Variants in ASCC3 observed in about 807,000 individuals in gnomAD.
ASCC3 encodes ASC-1 complex subunit P200.
Under a neutral mutation model 256.3 loss-of-function variants are expected in ASCC3, and 158 were observed. The observed-to-expected ratio is 0.62, with a 90% confidence interval of 0.54 to 0.70. The LOEUF (loss-of-function observed/expected upper bound fraction) is 0.70. Ranked by LOEUF, ASCC3 falls within the 30% of genes least tolerant of loss-of-function variation. The pLI is 0.00. For synonymous variants in ASCC3, 948 were observed against 883.4 expected (o/e 1.07, Z -1.30); for missense variants, 2,259 against 2,626.0 (o/e 0.86, Z 3.05).
chr6:100,584,712 C>A (rs556103401), intron 36 of ASCC3, among the ~76,000 whole-genome samples: 1 of 151,894 alleles, frequency 6.6e-6, no homozygotes. Flanking sequence ...GATTTTGCAG[C>A]GGCTGGTACC....
intron 8 of ASCC3, among the ~76,000 whole-genome samples, chr6:100,773,242 T>A (rs1318116045): frequency 6.6e-6 from 1 of 152,176 alleles, no homozygotes; most frequent in African/African-American, 2.4e-5. Flanking sequence ...AATAAATTAA[T>A]GGTAGCTATT....
chr6:100,700,314 G>A (rs1778294161), intron 13 of ASCC3, among the ~76,000 whole-genome samples: 1 of 152,144 alleles, frequency 6.6e-6, no homozygotes, highest in Non-Finnish European at 1.5e-5. Context: ...CAAGAATTGA[G>A]GTTTGGGAAC....
chr6:100,878,777 CACG>C (rs1284754151), intron 1 of ASCC3, among the ~76,000 whole-genome samples: 2 of 152,198 alleles, frequency 1.3e-5, no homozygotes, highest in African/African-American at 4.8e-5. Flanking sequence ...TCTGCTCTCA[CACG>C]ACAACCATCA....
intron 13 of ASCC3, among the ~76,000 whole-genome samples, chr6:100,683,654 T>C (rs9399657): frequency 0.064 from 9,691 of 152,034 alleles, 710 homozygotes; most frequent in East Asian, 0.3. Context: ...TTAGAAACAC[T>C]TTTTGGTAAC....
chr6:100,613,649 G>C (rs1773520423), intron 30 of ASCC3, among the ~76,000 whole-genome samples: 1 of 152,120 alleles, frequency 6.6e-6, no homozygotes, highest in Admixed American at 6.5e-5. Flanking sequence ...ATGAGTGCAG[G>C]TATCTTTTTG....
chr6:100,527,277 A>G (rs1774622413), intron 37 of ASCC3, among the ~76,000 whole-genome samples: 1 of 152,184 alleles, frequency 6.6e-6, no homozygotes. Context: ...AAGCTTTCTG[A>G]AGCTTCTTGC....
intron 13 of ASCC3, among the ~76,000 whole-genome samples, chr6:100,701,401 C>T (rs2114999444): frequency 6.6e-6 from 1 of 152,230 alleles, no homozygotes; most frequent in Admixed American, 6.5e-5. Flanking sequence ...ATGTGACTTG[C>T]TCCTCCTTGC....
intron 30 of ASCC3, among the ~76,000 whole-genome samples, chr6:100,615,141 G>C (rs1223734795): frequency 4.0e-5 from 6 of 151,866 alleles, no homozygotes; most frequent in Admixed American, 6.6e-5. Flanking sequence ...TCAGCCTCTC[G>C]AGTAGCTGGG....
In ASCC3 at chr6:100,590,045, C is replaced by T; in HGVS notation, c.5318G>A (p.Gly1773Asp). 1 of 1,612,432 alleles carries T rather than the reference C, an allele frequency of 6.2e-7. No individual in the cohort carries two copies. The highest frequency in any genetic ancestry group is 1.1e-5 in the South Asian group (1 of 91,014). Reference protein sequence around the residue: ...LIMNPSYYNLGDVSHDSVNKF... With the variant: ...LIMNPSYYNLDDVSHDSVNKF... ...GTTCACAGAATCATGGCTCACATCA[C>T]CCAAATTGTAATAGCTAGAAAACAA... The change falls in exon 35 of 42, where the codon GGT becomes GAT. Residue 1773 changes from glycine (G) to aspartate (D), a missense_variant. Gly to Asp is a moderately conservative substitution (Grantham distance 94). Transcript: ENST00000369162.
In ASCC3 at chr6:100,805,830, G is replaced by A. The variant is rs1770153481; in HGVS notation, c.852C>T (p.Leu284=). ...PEGLELIEKL[L]QNRITIVDRF... ...TATCCACAATTGTAATTCTGTTCTG[G>A]AGGAGTTTCTCAATAAGTTCAAGTC... is the stretch of plus-strand genomic sequence containing the variant. The change falls in exon 5 of 42, where the codon CTC becomes CTT. Residue 284 remains leucine, a synonymous_variant. Coordinates refer to ENST00000369162, the MANE Select transcript of ASCC3 (RefSeq NM_006828.4). The A allele has an allele frequency of 6.2e-7, 1 of 1,611,262 alleles. No homozygotes were observed. The highest frequency in any genetic ancestry group is 8.5e-7 in the Non-Finnish European group (1 of 1,178,576).
chr6:100,808,312 AAT>A (rs1369789675), intron 4 of ASCC3, among the ~76,000 whole-genome samples: 15 of 152,054 alleles, frequency 9.9e-5, no homozygotes, highest in Admixed American at 9.8e-4. Flanking sequence ...AAATGAGACC[AAT>A]AGATTTTCAC....
intron 10 of ASCC3, among the ~76,000 whole-genome samples, chr6:100,764,551 T>A (rs1781562799): frequency 6.6e-6 from 1 of 152,240 alleles, no homozygotes; most frequent in Non-Finnish European, 1.5e-5. Flanking sequence ...ATGTCATATA[T>A]AAGGCACTTT....
intron 3 of ASCC3, among the ~76,000 whole-genome samples, chr6:100,859,866 A>T (rs1582975968): frequency 6.6e-6 from 1 of 152,170 alleles, no homozygotes; most frequent in African/African-American, 2.4e-5. Flanking sequence ...TTTCTGGCTG[A>T]GTCTTGATTT....
chr6:100,714,688 G>A (rs536017671), intron 13 of ASCC3, among the ~76,000 whole-genome samples: 7 of 152,088 alleles, frequency 4.6e-5, no homozygotes, highest in South Asian at 2.1e-4. Context: ...TGTGATTTCC[G>A]AAAAAGTTAT....
At chr6:100,791,330 G>T (rs1403575250) in intron 8 of ASCC3, among the ~76,000 whole-genome samples, 1 of 151,758 alleles carries the variant, frequency 6.6e-6, no homozygotes, top group Non-Finnish European at 1.5e-5. Context: ...TAAAATCATG[G>T]CCTTCTTGAC....
intron 10 of ASCC3, among the ~76,000 whole-genome samples, chr6:100,744,407 T>C (rs1344024661): frequency 6.6e-6 from 1 of 152,154 alleles, no homozygotes; most frequent in Non-Finnish European, 1.5e-5. Flanking sequence ...ATATGTAATA[T>C]AAAGAGACAA....
At chr6:100,636,906 T>A (rs1774873673) in intron 25 of ASCC3, among the ~76,000 whole-genome samples, 1 of 152,166 alleles carries the variant, frequency 6.6e-6, no homozygotes, top group African/African-American at 2.4e-5. Flanking sequence ...GAAGCTTGTT[T>A]CACATGGTTT....
chr6:100,543,942 T>C (rs1233357085), intron 36 of ASCC3, among the ~76,000 whole-genome samples: 1 of 152,064 alleles, frequency 6.6e-6, no homozygotes, highest in Non-Finnish European at 1.5e-5. Context: ...ACTGAGATCA[T>C]ATTAGAGGGC....
intron 19 of ASCC3, among the ~76,000 whole-genome samples, chr6:100,651,341 A>G (rs239236): frequency 0.53 from 80,798 of 151,618 alleles, 21,725 homozygotes; most frequent in East Asian, 0.68. Context: ...TGCAAAACCA[A>G]TTTAAATTAT....
Sources: gnomAD v4.1 joint callset for allele counts (sites outside exome capture counted in the v4.1 genomes callset) on GRCh38, gnomAD v4.1.1 for gene constraint, MANE v1.5 for transcripts, NCBI Gene and HGNC (gene_info 2026-07-23, HGNC 2026-07-21) for gene names.